PIK3C2G: variants seen among roughly 807,000 people sequenced by gnomAD.
PIK3C2G encodes phosphatidylinositol-4-phosphate 3-kinase catalytic subunit type 2 gamma.
PIK3C2G carries 168 observed loss-of-function variants against 181.1 expected under a neutral mutation model. The ratio of observed to expected loss-of-function variants is 0.93; its 90% CI spans 0.82 to 1.05. PIK3C2G has a LOEUF of 1.05. PIK3C2G is among the 50% of genes least tolerant of loss of function. PIK3C2G has a pLI of 0.00. For missense variants in PIK3C2G, 1,869 were observed against 1,732.8 expected (o/e 1.08, Z -1.40); for synonymous variants, 573 against 592.2 (o/e 0.97, Z 0.47).
rs993398649 is a variant in PIK3C2G, at chr12:18,421,037, A to G, written c.2409+3A>G. 6.0e-6 allele frequency: 9 copies of G among 1,501,896 alleles called. No homozygotes were observed. Among genetic ancestry groups the G allele is most frequent in the Non-Finnish European group, 8.3e-6 (9 of 1,079,420 alleles). 93.0% of individuals were successfully genotyped at this position (1,501,896 alleles called of 1,614,324 possible). Reference sequence around the variant, plus strand: ...AATATCTCCCACAGCTAGTTCAGGTAAGAATAGAAGAGTTGCTAAGGAAAC... The same window carrying G: ...AATATCTCCCACAGCTAGTTCAGGTGAGAATAGAAGAGTTGCTAAGGAAAC... On this transcript the variant is annotated splice_donor_region_variant and intron_variant, in intron 17 of 32. Coordinates refer to ENST00000538779, the MANE Select transcript of PIK3C2G (RefSeq NM_001288772.2).
chr12:18,526,648 G>T (rs1470862118), intron 24 of PIK3C2G, among the ~76,000 whole-genome samples: 2 of 151,974 alleles, frequency 1.3e-5, no homozygotes, highest in South Asian at 2.1e-4. Context: ...TGTTTGTTTT[G>T]GTTTTGTTTT....
chr12:18,705,945 G>A, the PIK3C2G span, among the ~76,000 whole-genome samples: 1 of 151,340 alleles, frequency 6.6e-6, no homozygotes, highest in African/African-American at 2.4e-5. Context: ...GAAGAAGGCA[G>A]GACGAGCATG....
At chr12:18,656,751 AACG>A in the PIK3C2G span, among the ~76,000 whole-genome samples, 3 of 50,486 alleles carry the variant, frequency 5.9e-5, no homozygotes, top group African/African-American at 1.8e-4. Context: ...CAGCAACAAC[AACG>A]ACAACAACAA....
intron 18 of PIK3C2G, among the ~76,000 whole-genome samples, chr12:18,467,675 G>A (rs1938038338): frequency 6.6e-6 from 1 of 151,844 alleles, no homozygotes; most frequent in African/African-American, 2.4e-5. Context: ...TTAGCAGCTG[G>A]GAAGGGGTAA....
At chr12:18,254,671 A>C (rs1401329907) in intron 1 of PIK3C2G, among the ~76,000 whole-genome samples, 1 of 151,502 alleles carries the variant, frequency 6.6e-6, no homozygotes, top group African/African-American at 2.4e-5. Context: ...GGTGAAACCC[A>C]GTCTGTACTA....
chr12:18,701,943 T>C, the PIK3C2G span, among the ~76,000 whole-genome samples: 32 of 152,264 alleles, frequency 2.1e-4, no homozygotes, highest in Non-Finnish European at 4.3e-4. Context: ...GAGGAATGAA[T>C]ACAGTGATAT....
intron 32 of PIK3C2G, among the ~76,000 whole-genome samples, chr12:18,641,743 C>CGTTTTTTTTTTT (rs1949850217): frequency 1.1e-5 from 1 of 93,164 alleles, no homozygotes; most frequent in African/African-American, 4.9e-5. Flanking sequence ...CTCTCTCAAG[C>CGTTTTTTTTTTT]TTTTTTTTTT....
chr12:18,702,418 A>G, the PIK3C2G span, among the ~76,000 whole-genome samples: 76 of 152,266 alleles, frequency 5.0e-4, no homozygotes, highest in African/African-American at 1.7e-3. Flanking sequence ...CCCTTAGGAT[A>G]ATTTCTTTAA....
the PIK3C2G span, chr12:18,701,544 CCT>C: frequency 3.7e-5 from 59 of 1,613,668 alleles, no homozygotes; most frequent in African/African-American, 9.4e-5. Flanking sequence ...CTTTTTTACC[CCT>C]GTTTCCTTGT....
chr12:18,322,381 C>CAA (rs201077149), intron 7 of PIK3C2G, among the ~76,000 whole-genome samples: 4,033 of 127,542 alleles, frequency 0.032, 185 homozygotes, highest in African/African-American at 0.11. Context: ...GACCTCATCT[C>CAA]AAAAAAAAAA....
intron 18 of PIK3C2G, among the ~76,000 whole-genome samples, chr12:18,472,347 C>T (rs191558745): frequency 4.6e-5 from 7 of 152,198 alleles, no homozygotes; most frequent in East Asian, 1.9e-4. Flanking sequence ...TGTCCAAAGA[C>T]GTTCTTTAAC....
chr12:18,720,573 G>A, the PIK3C2G span, among the ~76,000 whole-genome samples: 1 of 151,644 alleles, frequency 6.6e-6, no homozygotes, highest in Non-Finnish European at 1.5e-5. Context: ...TCTGTGGAAT[G>A]GGGGTAATAA....
intron 13 of PIK3C2G, among the ~76,000 whole-genome samples, chr12:18,377,715 C>A (rs2137930502): frequency 6.6e-6 from 1 of 152,220 alleles, no homozygotes; most frequent in Non-Finnish European, 1.5e-5. Context: ...CTCCTGCCTT[C>A]AAAATGTTTA....
chr12:18,701,354 G>C, the PIK3C2G span: 2 of 1,408,484 alleles, frequency 1.4e-6, no homozygotes, highest in South Asian at 2.8e-5. Context: ...TTCCACCATC[G>C]ATGTTTTCAA....
intron 16 of PIK3C2G, among the ~76,000 whole-genome samples, chr12:18,400,432 T>C (rs1170419373): frequency 6.6e-6 from 1 of 152,126 alleles, no homozygotes; most frequent in Non-Finnish European, 1.5e-5. Context: ...TCTTCCTTGG[T>C]TTTCCTTTTA....
chr12:18,576,754 G>C (rs1476154136), intron 29 of PIK3C2G, among the ~76,000 whole-genome samples: 1 of 152,174 alleles, frequency 6.6e-6, no homozygotes, highest in Non-Finnish European at 1.5e-5. Context: ...TGGGTTCCAA[G>C]TGATTTTTGC....
At position 18,479,020 on chromosome 12, in the gene PIK3C2G, TAC is replaced by T. The variant is rs551681468; in HGVS notation, c.2505-9419_2505-9418del. Among the ~76,000 whole-genome samples the T allele has an allele frequency of 1.9e-4, 28 of 148,124 alleles. No homozygotes were observed. The East Asian group carries it at 2.2e-3, about 11-fold the overall frequency. ...ATATATGTATATATATATTTTTATA[TAC>T]ACACACACATATATACATTATACAT... is the stretch of plus-strand genomic sequence containing the variant. On this transcript the variant is annotated intron_variant, in intron 18 of 32. Transcript: ENST00000538779.
the PIK3C2G span, among the ~76,000 whole-genome samples, chr12:18,665,547 C>T: frequency 6.6e-6 from 1 of 152,082 alleles, no homozygotes; most frequent in African/African-American, 2.4e-5. Flanking sequence ...AATCCCAGCA[C>T]TTTGGGAGGC....
At chr12:18,424,683 T>A (rs1288295046) in intron 18 of PIK3C2G, 5 of 211,460 alleles carry the variant, frequency 2.4e-5, no homozygotes. Flanking sequence ...CAAAAGATGC[T>A]ATTCCTGAGA....
Sources: gnomAD v4.1 joint callset for allele counts (sites outside exome capture counted in the v4.1 genomes callset) on GRCh38, gnomAD v4.1.1 for gene constraint, MANE v1.5 for transcripts, NCBI Gene and HGNC (gene_info 2026-07-23, HGNC 2026-07-21) for gene names.